CTNNBL1: variants seen among roughly 807,000 people sequenced by gnomAD.
CTNNBL1 encodes the protein beta-catenin-like protein 1.
A neutral mutation model predicts 72.7 loss-of-function variants in CTNNBL1; 31 were observed. The observed-to-expected ratio is 0.43, with a 90% confidence interval of 0.32 to 0.58. The LOEUF is 0.58. Ranked by LOEUF, CTNNBL1 falls within the 20% of genes least tolerant of loss-of-function variation. CTNNBL1 has a pLI of 0.08. For synonymous variants in CTNNBL1, 240 were observed against 267.3 expected, an observed-to-expected ratio of 0.90 and a Z score of 1.00; for missense variants, 534 against 725.1, an observed-to-expected ratio of 0.74 and a Z score of 3.03.
chr20:37,789,181 G>A (rs1001259241), intron 10 of CTNNBL1, among the ~76,000 whole-genome samples: 5 of 152,192 alleles, frequency 3.3e-5, no homozygotes, highest in African/African-American at 1.2e-4. Context: ...TGAGGTAAGG[G>A]TGGAAGACGC....
intron 13 of CTNNBL1, among the ~76,000 whole-genome samples, chr20:37,850,120 T>A (rs1165651851): frequency 6.6e-6 from 1 of 152,218 alleles, no homozygotes; most frequent in African/African-American, 2.4e-5. Context: ...AGCCTTGTAT[T>A]ATTGCATCGC....
In CTNNBL1 at chr20:37,848,062, C is replaced by T. The variant is rs184934951; in HGVS notation, c.1392+5643C>T. 3.3e-5 allele frequency among the ~76,000 whole-genome samples: 5 copies of T among 151,510 alleles called. No individual in the cohort carries two copies. The East Asian group carries it at 9.7e-4, about 29-fold the overall frequency. ...AACTGTGCGGCTGCCATCGATTCTT[C>T]TGCTAACTTGCTGGAAGATTCTGGG... On this transcript the variant is annotated intron_variant, in intron 13 of 15. Transcript: ENST00000361383.
chr20:37,815,696 T>C (rs910078727), intron 11 of CTNNBL1, among the ~76,000 whole-genome samples: 2 of 152,190 alleles, frequency 1.3e-5, no homozygotes, highest in Non-Finnish European at 2.9e-5. Context: ...TGAAGACTAA[T>C]GCATCTAGGT....
chr20:37,737,259 A>C (rs1568757411), intron 2 of CTNNBL1, 119 bp from the exon 3 acceptor site: 6 of 724,266 alleles, frequency 8.3e-6, no homozygotes, highest in Non-Finnish European at 1.4e-5. Context: ...TGTACTGTAC[A>C]TTGAACCCAG....
intron 11 of CTNNBL1, among the ~76,000 whole-genome samples, chr20:37,839,419 C>T (rs1013241850): frequency 1.3e-5 from 2 of 152,136 alleles, no homozygotes; most frequent in African/African-American, 4.8e-5. Context: ...TTTGAAAGTT[C>T]TTTTTAAAGA....
chr20:37,752,993 T>A (rs1362306997), intron 4 of CTNNBL1, among the ~76,000 whole-genome samples: 1 of 152,132 alleles, frequency 6.6e-6, no homozygotes. Flanking sequence ...GCCCAGAGTC[T>A]GCTTGTGAAG....
intron 15 of CTNNBL1, among the ~76,000 whole-genome samples, chr20:37,861,476 T>A (rs73904794): frequency 0.011 from 1,605 of 152,316 alleles, 23 homozygotes; most frequent in African/African-American, 0.037. Context: ...TCAGGGAGTG[T>A]CCAGATGGAC....
chr20:37,834,525 A>T (rs1428479888), intron 11 of CTNNBL1, among the ~76,000 whole-genome samples: 4 of 152,194 alleles, frequency 2.6e-5, no homozygotes, highest in Non-Finnish European at 5.9e-5. Flanking sequence ...CCACATTTAC[A>T]TAGTGTCTGT....
At chr20:37,723,937 G>A (rs1320167774) in intron 1 of CTNNBL1, among the ~76,000 whole-genome samples, 1 of 152,196 alleles carries the variant, frequency 6.6e-6, no homozygotes, top group Non-Finnish European at 1.5e-5. Flanking sequence ...AGTCCTAGTT[G>A]TAAAATGTCA....
intron 1 of CTNNBL1, among the ~76,000 whole-genome samples, chr20:37,701,424 A>G (rs185269768): frequency 1.3e-5 from 2 of 152,348 alleles, no homozygotes; most frequent in East Asian, 3.9e-4. Context: ...TTATTATGAC[A>G]TGGACCATGG....
At chr20:37,774,225 T>A (rs749320071) in intron 7 of CTNNBL1, among the ~76,000 whole-genome samples, 5 of 152,124 alleles carry the variant, frequency 3.3e-5, no homozygotes, top group Non-Finnish European at 7.4e-5. Context: ...CATACATTAT[T>A]TCTAATCCTC....
intron 11 of CTNNBL1, among the ~76,000 whole-genome samples, chr20:37,814,207 T>C: frequency 6.6e-6 from 1 of 152,206 alleles, no homozygotes; most frequent in African/African-American, 2.4e-5. Context: ...TTTGTTTTGG[T>C]TTTTTTAGAT....
chr20:37,712,114 T>C (rs1377349538), intron 1 of CTNNBL1, among the ~76,000 whole-genome samples: 3 of 152,222 alleles, frequency 2.0e-5, no homozygotes, highest in African/African-American at 7.2e-5. Context: ...ATGCTGTCCC[T>C]GGGATAATTG....
At chr20:37,746,403 G>T (rs1302027990) in intron 3 of CTNNBL1, 65 bp from the exon 4 acceptor site, 21 of 1,556,738 alleles carry the variant, frequency 1.3e-5, no homozygotes, top group Non-Finnish European at 1.8e-5. Flanking sequence ...CTAGATTGTT[G>T]CTGTTTGCTC....
intron 1 of CTNNBL1, among the ~76,000 whole-genome samples, chr20:37,694,545 G>A (rs958230460): frequency 1.3e-5 from 2 of 152,150 alleles, no homozygotes; most frequent in African/African-American, 4.8e-5. Context: ...TCCACTGACT[G>A]GCTATGTGGC....
intron 7 of CTNNBL1, among the ~76,000 whole-genome samples, chr20:37,773,971 G>C (rs1021794648): frequency 8.1e-6 from 1 of 124,036 alleles, no homozygotes; most frequent in Admixed American, 9.6e-5. Flanking sequence ...CCAGAGTGTT[G>C]GTGCCATCAC....
At chr20:37,825,979 C>T (rs368033200) in intron 11 of CTNNBL1, among the ~76,000 whole-genome samples, 199 of 152,272 alleles carry the variant, frequency 1.3e-3, no homozygotes, top group African/African-American at 3.6e-3. Context: ...CAGGAGGCGG[C>T]GGTGTACACA....
rs181731283 is a variant in CTNNBL1 at position 37,729,542 on chromosome 20, G to T, written c.31-3337G>T. 1.8e-3 allele frequency among the ~76,000 whole-genome samples: 280 copies of T among 151,960 alleles called. 1 individual carries two copies. Among genetic ancestry groups the T allele is most frequent in the Admixed American group, 0.014 (207 of 15,254 alleles). ...ATTTAGCTTTCTCCTTTTAATTGTG[G>T]CCCACTGCCTTTTCTTTCTCCCCTC... On this transcript the variant is annotated intron_variant, in intron 1 of 15. Transcript: ENST00000361383.
intron 1 of CTNNBL1, among the ~76,000 whole-genome samples, chr20:37,701,238 A>G (rs2072839020): frequency 6.6e-6 from 1 of 152,102 alleles, no homozygotes; most frequent in Non-Finnish European, 1.5e-5. Context: ...TGAGTGATAG[A>G]CCATTTTCCC....
Sources: gnomAD v4.1 joint callset for allele counts (sites outside exome capture counted in the v4.1 genomes callset) on GRCh38, gnomAD v4.1.1 for gene constraint, MANE v1.5 for transcripts, NCBI Gene and HGNC (gene_info 2026-07-23, HGNC 2026-07-21) for gene names.